The following GALNT18 variants were observed in gnomAD, a reference collection of about 807,000 sequenced individuals.
The protein encoded by GALNT18 is polypeptide N-acetylgalactosaminyltransferase 18, also known as GalNAc-transferase 18.
GALNT18 carries 44 observed loss-of-function variants against 69.5 expected under a neutral mutation model. The observed-to-expected ratio is 0.63, with a 90% CI of 0.50 to 0.81. The LOEUF is 0.81. GALNT18 is among the 40% of genes least tolerant of loss of function. GALNT18 has a pLI of 0.00. For missense variants in GALNT18, 715 were observed against 810.0 expected (o/e 0.88, Z 1.42); for synonymous variants, 364 against 318.2 (o/e 1.14, Z -1.53).
intron 1 of GALNT18, among the ~76,000 whole-genome samples, chr11:11,549,052 T>C (rs1370509833): frequency 1.3e-5 from 2 of 152,208 alleles, no homozygotes; most frequent in Non-Finnish European, 2.9e-5. Flanking sequence ...GTATGGACAG[T>C]AGGGTATAAG....
In GALNT18 at chr11:11,582,659, C is replaced by T. The variant is rs11607171; in HGVS notation, c.235+38700G>A. On this transcript the variant is annotated intron_variant, in intron 1 of 10. Coordinates refer to ENST00000227756, the MANE Select transcript of GALNT18 (RefSeq NM_198516.3). The surrounding 1 kb of genome is among the most constrained non-coding windows in gnomAD (Gnocchi z 5.0). ...AGACTTTCAGTATGCAGTAGAAATA[C>T]ACATTGAGGGCTAAAAGCCTTTGTG... Among the ~76,000 whole-genome samples the T allele has an allele frequency of 0.16, 23,890 of 152,260 alleles. 1,990 individuals are homozygous for T. Among genetic ancestry groups the T allele is most frequent in the Admixed American group, 0.25 (3,792 of 15,304 alleles).
intron 2 of GALNT18, among the ~76,000 whole-genome samples, chr11:11,445,963 G>A (rs1395429270): frequency 6.6e-6 from 1 of 152,142 alleles, no homozygotes; most frequent in Non-Finnish European, 1.5e-5. Flanking sequence ...CCTCCCACAG[G>A]TGAGAGTGGG....
rs1404576041 is a variant in GALNT18 at position 11,617,800 on chromosome 11, A to C, written c.235+3559T>G. Among the ~76,000 whole-genome samples, 1 of 152,128 alleles carries C rather than the reference A, an allele frequency of 6.6e-6. No homozygotes were observed. Among genetic ancestry groups the C allele is most frequent in the Non-Finnish European group, 1.5e-5 (1 of 68,022 alleles). On this transcript the variant is annotated intron_variant, in intron 1 of 10. Coordinates refer to ENST00000227756, the MANE Select transcript of GALNT18 (RefSeq NM_198516.3). The surrounding 1 kb of genome is among the most constrained non-coding windows in gnomAD (Gnocchi z 4.7). Reference sequence around the variant, plus strand: ...TTTCCTGCACTCTCCAACACTGAGAACTCCTTTAGCAGATTCTTGCTTCAT... The same window carrying C: ...TTTCCTGCACTCTCCAACACTGAGACCTCCTTTAGCAGATTCTTGCTTCAT...
At position 11,590,583 on chromosome 11, in the gene GALNT18, CTG is replaced by C. The variant is rs1859332929; in HGVS notation, c.235+30774_235+30775del. Among the ~76,000 whole-genome samples the C allele has an allele frequency of 6.6e-6, 1 of 152,220 alleles. No homozygotes were observed. Among genetic ancestry groups the C allele is most frequent in the African/African-American group, 2.4e-5 (1 of 41,450 alleles). ...TATCACTCCCAACTTGCTTTTGAAT[CTG>C]TTTCCTCATTGATAAAATGAGCATG... On this transcript the variant is annotated intron_variant, in intron 1 of 10. Coordinates refer to ENST00000227756, the MANE Select transcript of GALNT18 (RefSeq NM_198516.3). The surrounding 1 kb of genome is among the most constrained non-coding windows in gnomAD (Gnocchi z 4.4).
intron 3 of GALNT18, among the ~76,000 whole-genome samples, chr11:11,397,441 A>G (rs1362817016): frequency 6.6e-6 from 1 of 152,146 alleles, no homozygotes; most frequent in Admixed American, 6.5e-5. Flanking sequence ...GGAAACCCAG[A>G]ATAATTAGGA....
chr11:11,601,413 C>G lies in GALNT18; in HGVS notation c.235+19946G>C, dbSNP rs753684343. On this transcript the variant is annotated intron_variant, in intron 1 of 10. Coordinates refer to ENST00000227756, the MANE Select transcript of GALNT18 (RefSeq NM_198516.3). This position sits in a 1 kb window ranked among gnomAD's most constrained non-coding sequence, Gnocchi z 4.0. ...TGCACAGTGTCCTGATTCTCCCTAT[C>G]GAACCCCCTAGGATGACAGTGATTT... Among the ~76,000 whole-genome samples the G allele has an allele frequency of 1.3e-5, 2 of 152,144 alleles. No homozygotes were observed. The highest frequency in any genetic ancestry group is 6.5e-5 in the Admixed American group (1 of 15,286).
In GALNT18 at chr11:11,540,612, G is replaced by A. The variant is rs114170002; in HGVS notation, c.235+80747C>T. Among the ~76,000 whole-genome samples, 495 of 152,282 alleles carry A rather than the reference G, an allele frequency of 3.3e-3. 4 individuals are homozygous for A. Among genetic ancestry groups the A allele is most frequent in the African/African-American group, 0.011 (473 of 41,536 alleles). On this transcript the variant is annotated intron_variant, in intron 1 of 10. Coordinates refer to ENST00000227756, the MANE Select transcript of GALNT18 (RefSeq NM_198516.3). The surrounding 1 kb of genome is among the most constrained non-coding windows in gnomAD (Gnocchi z 4.6). The stretch of plus-strand genomic sequence containing the variant: ...AAAACTGATCCCTGATCTTGCCTCT[G>A]CGAGTTTCCCTTGGCCTGCCCTGCG...
intron 1 of GALNT18, among the ~76,000 whole-genome samples, chr11:11,526,505 C>CTTTCTTTTAAAAATATA (rs1408656494): frequency 6.6e-6 from 1 of 152,112 alleles, no homozygotes; most frequent in Admixed American, 6.5e-5. Context: ...ATACATCATT[C>CTTTCTTTTAAAAATATA]TTTCTTTTAA....
intron 10 of GALNT18, among the ~76,000 whole-genome samples, chr11:11,271,986 C>T (rs886614746): frequency 6.6e-6 from 1 of 152,158 alleles, no homozygotes; most frequent in Non-Finnish European, 1.5e-5. Context: ...GGGTTGCTGG[C>T]TGTGAGTCTG....
chr11:11,544,953 C>T (rs749844914), intron 1 of GALNT18, among the ~76,000 whole-genome samples: 14 of 152,286 alleles, frequency 9.2e-5, no homozygotes, highest in South Asian at 4.2e-4. Context: ...TACCTGGTTC[C>T]GAGGCAAAGC....
intron 5 of GALNT18, among the ~76,000 whole-genome samples, chr11:11,374,115 C>T (rs993617743): frequency 7.9e-5 from 12 of 152,298 alleles, no homozygotes; most frequent in African/African-American, 2.6e-4. Flanking sequence ...TGGCTTCACC[C>T]TCACAGACCT....
At chr11:11,394,000 C>T (rs1029551579) in intron 3 of GALNT18, among the ~76,000 whole-genome samples, 10 of 149,854 alleles carry the variant, frequency 6.7e-5, no homozygotes, top group South Asian at 4.3e-4. Flanking sequence ...TGATGCCAAG[C>T]GGTGGAGACG....
chr11:11,323,982 A>G (rs1849877246), intron 9 of GALNT18, among the ~76,000 whole-genome samples: 1 of 152,212 alleles, frequency 6.6e-6, no homozygotes, highest in South Asian at 2.1e-4. Flanking sequence ...TCACAGGGAT[A>G]CAGCCCTGAC....
At chr11:11,479,381 C>A (rs1201028084) in intron 1 of GALNT18, among the ~76,000 whole-genome samples, 1 of 152,092 alleles carries the variant, frequency 6.6e-6, no homozygotes. Context: ...TATAAGGCAG[C>A]CAAATCCTTA....
rs1193594555 is a variant in GALNT18 at position 11,460,839 on chromosome 11, AG to A, written c.236-11904del. 3.3e-5 allele frequency among the ~76,000 whole-genome samples: 5 copies of A among 152,130 alleles called. No individual in the cohort carries two copies. In the South Asian group the frequency reaches 8.3e-4, roughly 25 times the overall value. ...AGTTTGTTGTTGCTTTTATTTGGGGAGGGGGGATTCAGAACCCTCTGAGAAA... is the reference window on the plus strand; with the variant it reads ...AGTTTGTTGTTGCTTTTATTTGGGGAGGGGGATTCAGAACCCTCTGAGAAA... On this transcript the variant is annotated intron_variant, in intron 1 of 10. Coordinates refer to ENST00000227756, the MANE Select transcript of GALNT18 (RefSeq NM_198516.3).
chr11:11,297,561 G>A (rs369134021), intron 9 of GALNT18, among the ~76,000 whole-genome samples: 3 of 152,146 alleles, frequency 2.0e-5, no homozygotes, highest in Non-Finnish European at 2.9e-5. Flanking sequence ...AGGGGGAGCC[G>A]GGAGAGGACT....
At chr11:11,495,812 A>G (rs1409704186) in intron 1 of GALNT18, among the ~76,000 whole-genome samples, 1 of 152,178 alleles carries the variant, frequency 6.6e-6, no homozygotes, top group Non-Finnish European at 1.5e-5. Flanking sequence ...GGTACTGGGA[A>G]CTTCTGCTAG....
chr11:11,298,179 C>T (rs1190708365), intron 9 of GALNT18, among the ~76,000 whole-genome samples: 2 of 152,218 alleles, frequency 1.3e-5, no homozygotes, highest in African/African-American at 4.8e-5. Flanking sequence ...GCCTCTAGCC[C>T]TCCAAAGAAG....
chr11:11,353,363 T>C (rs1850460343), intron 6 of GALNT18: 3 of 596,350 alleles, frequency 5.0e-6, no homozygotes, highest in Non-Finnish European at 8.8e-6. Context: ...GAGTCATTTT[T>C]ATCAGCTAAC....
Sources: gnomAD v4.1 joint callset for allele counts (sites outside exome capture counted in the v4.1 genomes callset) on GRCh38, gnomAD v4.1.1 for gene constraint, Gnocchi (gnomAD v3.1) non-coding constraint, MANE v1.5 for transcripts, NCBI Gene and HGNC (gene_info 2026-07-23, HGNC 2026-07-21) for gene names.